GOLGA4: variants seen among roughly 807,000 people sequenced by gnomAD.
GOLGA4 encodes golgin subfamily A member 4.
GOLGA4 carries 169 observed loss-of-function variants against 265.9 expected under a neutral mutation model. The observed-to-expected ratio is 0.64, with a 90% CI of 0.56 to 0.72. GOLGA4 has a LOEUF of 0.72. Among genes scored for constraint, GOLGA4 ranks in the 30% least tolerant of loss-of-function variants. The pLI is 0.00. For synonymous variants in GOLGA4, 923 were observed against 855.8 expected, an observed-to-expected ratio of 1.08 and a Z score of -1.37; for missense variants, 2,482 against 2,483.4, an observed-to-expected ratio of 1.00 and a Z score of 0.01.
At chr3:37,247,993 G>A (rs1344293110) in intron 1 of GOLGA4, among the ~76,000 whole-genome samples, 1 of 152,180 alleles carries the variant, frequency 6.6e-6, no homozygotes, top group Non-Finnish European at 1.5e-5. Flanking sequence ...ATGGTCAACT[G>A]ATTAGTAACC....
chr3:37,276,290 G>C, intron 2 of GOLGA4: 1 of 1,589,088 alleles, frequency 6.3e-7, no homozygotes, highest in Non-Finnish European at 8.6e-7. Flanking sequence ...AAATCTTAAA[G>C]ATGCAAAAAA....
chr3:37,268,440 T>G (rs1168719121), intron 2 of GOLGA4, among the ~76,000 whole-genome samples: 2 of 151,772 alleles, frequency 1.3e-5, no homozygotes, highest in East Asian at 3.9e-4. Flanking sequence ...GTAGTAGTAA[T>G]AGAAGCTATT....
intron 5 of GOLGA4, among the ~76,000 whole-genome samples, chr3:37,294,288 A>G (rs886856621): frequency 6.6e-6 from 1 of 152,240 alleles, no homozygotes; most frequent in Middle Eastern, 3.4e-3. Flanking sequence ...ACTACTGGCT[A>G]TCTGTTTGGT....
Position 37,297,449 on chromosome 3 carries a change from C to T in GOLGA4, c.814+1230C>T, listed in dbSNP as rs146692796. On this transcript the variant is annotated intron_variant, in intron 7 of 23. Transcript: ENST00000361924. ...ATTAGAATGTGGTTGGAAAGAATAC[C>T]GTACTTTATTAATCCTTTTGGGAGG... Among the ~76,000 whole-genome samples, 116 of 152,284 alleles carry T rather than the reference C, an allele frequency of 7.6e-4. 2 individuals are homozygous for T. The highest frequency in any genetic ancestry group is 9.4e-4 in the Non-Finnish European group (64 of 68,034).
chr3:37,286,354 C>A (rs1052749849), intron 4 of GOLGA4, among the ~76,000 whole-genome samples: 5 of 150,974 alleles, frequency 3.3e-5, no homozygotes, highest in Admixed American at 6.6e-5. Flanking sequence ...GGGGTTTCAC[C>A]TTGTTAGCCA....
At chr3:37,316,498 A>G (rs1321550849) in intron 11 of GOLGA4, among the ~76,000 whole-genome samples, 3 of 152,148 alleles carry the variant, frequency 2.0e-5, no homozygotes, top group Non-Finnish European at 4.4e-5. Context: ...AACTATAGGT[A>G]ATTTGCAAAG....
chr3:37,283,778 C>G (rs939563995), intron 3 of GOLGA4, among the ~76,000 whole-genome samples: 2 of 152,176 alleles, frequency 1.3e-5, no homozygotes, highest in African/African-American at 2.4e-5. Context: ...CCTCCCACCT[C>G]AGCCTCCCAA....
chr3:37,327,919 G>T, intron 14 of GOLGA4, 94 bp downstream of exon 14: 1 of 1,048,472 alleles, frequency 9.5e-7, no homozygotes, highest in Non-Finnish European at 1.4e-6. Context: ...AAATTATTTG[G>T]ATAAGTTTCA....
Position 37,324,186 on chromosome 3 carries a change from A to C in GOLGA4, c.2300A>C (p.Glu767Ala). 6.2e-7 allele frequency: 1 copy of C among 1,614,144 alleles called. No homozygotes were observed. The highest frequency in any genetic ancestry group is 8.5e-7 in the Non-Finnish European group (1 of 1,180,000). ...QINQLELLLK[E>A]RDKHLKEHQA... ...AATCAACTTGAGCTTCTCTTGAAGGAAAGGGACAAGCATTTGAAAGAGCAT... is the reference window on the plus strand; with the variant it reads ...AATCAACTTGAGCTTCTCTTGAAGGCAAGGGACAAGCATTTGAAAGAGCAT... The change falls in exon 14 of 24, where the codon GAA (glutamate) becomes GCA (alanine). Residue 767 changes from glutamate to alanine, a missense_variant. By Grantham distance (107) the Glu-to-Ala change is moderately radical (BLOSUM62 -1). Transcript: ENST00000361924.
intron 4 of GOLGA4, among the ~76,000 whole-genome samples, chr3:37,287,840 C>T (rs1474851758): frequency 2.6e-5 from 4 of 152,156 alleles, no homozygotes; most frequent in Admixed American, 2.6e-4. Context: ...TCCAGTCATA[C>T]TCCCTTGGTC....
intron 21 of GOLGA4, 36 bp from the exon 22 acceptor site, chr3:37,355,065 C>A: frequency 8.5e-7 from 1 of 1,176,592 alleles, no homozygotes; most frequent in Non-Finnish European, 1.3e-6. Flanking sequence ...ATATGCTTCA[C>A]TGTCTGTTAG....
At chr3:37,262,320 A>G (rs2150672304) in intron 2 of GOLGA4, among the ~76,000 whole-genome samples, 1 of 152,322 alleles carries the variant, frequency 6.6e-6, no homozygotes, top group African/African-American at 2.4e-5. Context: ...AGCCTGGCCA[A>G]CATGGCAAAA....
At chr3:37,310,988 C>T (rs1477744569) in intron 10 of GOLGA4, among the ~76,000 whole-genome samples, 2 of 152,088 alleles carry the variant, frequency 1.3e-5, no homozygotes, top group East Asian at 3.8e-4. Flanking sequence ...ACATTTTGAA[C>T]ATACTTTTTT....
At chr3:37,287,264 C>T (rs1031226872) in intron 4 of GOLGA4, among the ~76,000 whole-genome samples, 1 of 152,302 alleles carries the variant, frequency 6.6e-6, no homozygotes, top group African/African-American at 2.4e-5. Flanking sequence ...TTGCTTGAAC[C>T]TGGGAGGCAG....
At position 37,327,280 on chromosome 3, in the gene GOLGA4, A is replaced by G; in HGVS notation, c.5394A>G (p.Gln1798=). ...HEDQSMIGHL[Q]EELEEKNKKY... Reference sequence around the variant, plus strand: ...ATCAAAGTATGATAGGTCATCTTCAAGAGGAGCTTGAAGAAAAAAACAAGA... The same window carrying G: ...ATCAAAGTATGATAGGTCATCTTCAGGAGGAGCTTGAAGAAAAAAACAAGA... Residue 1798 remains glutamine (Q), a synonymous_variant, in exon 14 of 24, where the codon CAA becomes CAG. Coordinates refer to ENST00000361924, the MANE Select transcript of GOLGA4 (RefSeq NM_002078.5). The G allele has an allele frequency of 6.2e-7, 1 of 1,613,698 alleles. No individual in the cohort carries two copies. The highest frequency in any genetic ancestry group is 8.5e-7 in the Non-Finnish European group (1 of 1,179,688).
Position 37,326,798 on chromosome 3 carries a change from G to T in GOLGA4, c.4912G>T (p.Ala1638Ser). 1 of 1,613,152 alleles carries T rather than the reference G, an allele frequency of 6.2e-7. No homozygotes were observed. The change falls in exon 14 of 24, where the codon GCA becomes TCA. Residue 1638 changes from alanine to serine, a missense_variant. Ala to Ser is a moderately conservative substitution (Grantham distance 99). Coordinates refer to ENST00000361924, the MANE Select transcript of GOLGA4 (RefSeq NM_002078.5). ...RLESESAAKLAELKRKAEQKI... is the reference protein window; with the variant it reads ...RLESESAAKLSELKRKAEQKI... ...TGAGTCAGAAAGTGCTGCAAAATTAGCAGAGTTGAAGAGAAAAGCTGAACA... is the reference window on the plus strand; with the variant it reads ...TGAGTCAGAAAGTGCTGCAAAATTATCAGAGTTGAAGAGAAAAGCTGAACA...
At chr3:37,344,419 G>T (rs1456830729) in intron 20 of GOLGA4, among the ~76,000 whole-genome samples, 2 of 151,362 alleles carry the variant, frequency 1.3e-5, no homozygotes, top group Non-Finnish European at 2.9e-5. Context: ...CTGTATTTTT[G>T]AAGATCTGTT....
At chr3:37,318,031 A>AT (rs1278520658) in intron 11 of GOLGA4, among the ~76,000 whole-genome samples, 4 of 147,984 alleles carry the variant, frequency 2.7e-5, no homozygotes, top group South Asian at 2.1e-4. Flanking sequence ...TAAAAATTTG[A>AT]TTTTTTCTTC....
At chr3:37,266,341 A>G (rs1380816472) in intron 2 of GOLGA4, among the ~76,000 whole-genome samples, 1 of 152,042 alleles carries the variant, frequency 6.6e-6, no homozygotes, top group African/African-American at 2.4e-5. Flanking sequence ...CTGGGACTAC[A>G]GGTGCGCACC....
Sources: gnomAD v4.1 joint callset for allele counts (sites outside exome capture counted in the v4.1 genomes callset) on GRCh38, gnomAD v4.1.1 for gene constraint, MANE v1.5 for transcripts, NCBI Gene and HGNC (gene_info 2026-07-23, HGNC 2026-07-21) for gene names.